The following CCDC15 variants were observed in gnomAD, a reference collection of about 807,000 sequenced individuals.
CCDC15 encodes coiled-coil domain-containing protein 15.
Under a neutral mutation model 114.5 loss-of-function variants are expected in CCDC15, and 105 were observed. The observed-to-expected ratio is 0.92, with a 90% confidence interval of 0.78 to 1.08. The LOEUF is 1.08. CCDC15 is among the 50% of genes least tolerant of loss of function. The pLI, the probability that CCDC15 is intolerant of heterozygous loss-of-function variation, is 0.00. For missense variants in CCDC15, 1,105 were observed against 1,093.6 expected, an observed-to-expected ratio of 1.01 and a Z score of -0.15; for synonymous variants, 334 against 377.8, an observed-to-expected ratio of 0.88 and a Z score of 1.34.
rs1367572345 is a variant in CCDC15, at chr11:124,986,835, G to A, written c.847G>A (p.Asp283Asn). 2 of 1,560,502 alleles carry A rather than the reference G, an allele frequency of 1.3e-6. No individual in the cohort carries two copies. The highest frequency in any genetic ancestry group is 8.7e-7 in the Non-Finnish European group (1 of 1,151,288). Residue 283 changes from aspartate to asparagine, a missense_variant, in exon 7 of 16, where the codon GAC becomes AAC. Coordinates refer to ENST00000344762, the MANE Select transcript of CCDC15 (RefSeq NM_025004.3). ...KEDLFGRGQQ[D>N]QQAIHSEDKN... ...AGATTTGTTTGGGAGAGGCCAGCAG[G>A]ACCAGCAGGCTATCCATTCTGAAGA...
chr11:125,009,136 G>T (rs1173645789), intron 13 of CCDC15, among the ~76,000 whole-genome samples: 1 of 151,170 alleles, frequency 6.6e-6, no homozygotes, highest in Non-Finnish European at 1.5e-5. Flanking sequence ...CTGAGGCAGG[G>T]GAATCACTTG....
In CCDC15 at chr11:125,029,600, A is replaced by G. The variant is rs181906452; in HGVS notation, c.2412-8831A>G. Among the ~76,000 whole-genome samples the G allele has an allele frequency of 2.3e-3, 358 of 152,368 alleles. 4 individuals are homozygous for G. Among genetic ancestry groups the G allele is most frequent in the African/African-American group, 8.0e-3 (334 of 41,590 alleles). On this transcript the variant is annotated intron_variant, in intron 13 of 15. Coordinates refer to ENST00000344762, the MANE Select transcript of CCDC15 (RefSeq NM_025004.3). ...TTAACAAAAGAAGGAGGAAATACTCATGACAGTTACAGTCCTTGTTTCTGC... is the reference window on the plus strand; with the variant it reads ...TTAACAAAAGAAGGAGGAAATACTCGTGACAGTTACAGTCCTTGTTTCTGC...
At chr11:124,976,737 T>C (rs1947980715) in intron 5 of CCDC15, among the ~76,000 whole-genome samples, 1 of 152,146 alleles carries the variant, frequency 6.6e-6, no homozygotes, top group Non-Finnish European at 1.5e-5. Context: ...CAGTTCTGAT[T>C]GAAATAATTA....
intron 4 of CCDC15, among the ~76,000 whole-genome samples, chr11:124,966,684 A>T (rs550731661): frequency 4.6e-5 from 7 of 152,190 alleles, no homozygotes; most frequent in Admixed American, 3.3e-4. Context: ...TCCTGTCATT[A>T]TAATGTTAGC....
intron 2 of CCDC15, 28 bp downstream of exon 2, chr11:124,954,937 TG>T (rs1947522832): frequency 6.2e-7 from 1 of 1,608,332 alleles, no homozygotes; most frequent in African/African-American, 1.3e-5. Context: ...CCAAATATGG[TG>T]GGGTTCCCCA....
rs748143058 is a variant in CCDC15, at chr11:124,975,097, T to A, written c.518T>A (p.Leu173His). 1 of 1,570,144 alleles carries A rather than the reference T, an allele frequency of 6.4e-7. No individual in the cohort carries two copies. The highest frequency in any genetic ancestry group is 8.6e-7 in the Non-Finnish European group (1 of 1,160,258). ...NELFQQQAQA[L>H]SETMKQARHR... ...CTTTCTTCCCCCTTTCCCTGGCAGC[T>A]TAGTGAAACTATGAAACAGGCACGT... Residue 173 changes from leucine (L) to histidine (H), a missense_variant and splice_region_variant, in exon 5 of 16, where the codon CTT (leucine) becomes CAT (histidine). By Grantham distance (99) the Leu-to-His change is moderately conservative. Coordinates refer to ENST00000344762, the MANE Select transcript of CCDC15 (RefSeq NM_025004.3).
At chr11:125,038,695 T>C in intron 14 of CCDC15, 91 bp downstream of exon 14, 6 of 1,278,304 alleles carry the variant, frequency 4.7e-6, no homozygotes, top group Non-Finnish European at 2.1e-6. Context: ...GAATTGACTG[T>C]GTCTTTTCAT....
In CCDC15 at chr11:124,986,875, T is replaced by A; in HGVS notation, c.887T>A (p.Phe296Tyr). 1.3e-6 allele frequency: 2 copies of A among 1,550,108 alleles called. No homozygotes were observed. Among genetic ancestry groups the A allele is most frequent in the South Asian group, 2.5e-5 (2 of 81,586 alleles). The change falls in exon 7 of 16, where the codon TTC (phenylalanine) becomes TAC (tyrosine). Residue 296 changes from phenylalanine (F) to tyrosine (Y), a missense_variant. Coordinates refer to ENST00000344762, the MANE Select transcript of CCDC15 (RefSeq NM_025004.3). The part of the protein sequence containing the change: ...AIHSEDKNKP[F>Y]SRVQKVKFKN... ...CATTCTGAAGATAAGAACAAACCTT[T>A]CAGCAGAGTTCAGGTAAAGCAATAA...
chr11:125,000,788 G>A (rs1267458864), intron 11 of CCDC15, among the ~76,000 whole-genome samples: 1 of 151,980 alleles, frequency 6.6e-6, no homozygotes, highest in African/African-American at 2.4e-5. Flanking sequence ...ATTCATAGTG[G>A]TTGTGTTATA....
At chr11:125,007,919 C>G (rs1054150053) in intron 13 of CCDC15, among the ~76,000 whole-genome samples, 4 of 152,182 alleles carry the variant, frequency 2.6e-5, no homozygotes, top group African/African-American at 9.7e-5. Flanking sequence ...TGGGTGCTGG[C>G]AACAGTGGGT....
intron 2 of CCDC15, among the ~76,000 whole-genome samples, chr11:124,956,514 A>T (rs1164448399): frequency 1.3e-5 from 2 of 152,172 alleles, no homozygotes; most frequent in South Asian, 4.1e-4. Context: ...AAGATTTGGT[A>T]TAAAGATATT....
intron 9 of CCDC15, 25 bp downstream of exon 9, chr11:124,991,608 A>T: frequency 6.4e-7 from 1 of 1,573,598 alleles, no homozygotes; most frequent in South Asian, 1.2e-5. Flanking sequence ...AAAGATATAA[A>T]CAGGAAGGAA....
chr11:125,023,152 T>C (rs1948673852), intron 13 of CCDC15, among the ~76,000 whole-genome samples: 1 of 151,986 alleles, frequency 6.6e-6, no homozygotes, highest in Non-Finnish European at 1.5e-5. Flanking sequence ...TTACATTTAC[T>C]CTGTGATCCA....
chr11:124,960,135 CT>C (rs57279788), intron 4 of CCDC15, 132 bp downstream of exon 4: 80,226 of 426,166 alleles, frequency 0.19, 1,000 homozygotes, highest in Middle Eastern at 0.24. Flanking sequence ...AATCATCCCC[CT>C]TTTTTTTTTT....
intron 12 of CCDC15, 98 bp from the exon 13 acceptor site, chr11:125,005,011 T>C: frequency 1.8e-6 from 1 of 555,080 alleles, no homozygotes; most frequent in East Asian, 3.1e-5. Context: ...TGTTTCTGTT[T>C]GCTTGCATTT....
intron 13 of CCDC15, among the ~76,000 whole-genome samples, chr11:125,032,766 G>T (rs1005595191): frequency 6.6e-6 from 1 of 152,148 alleles, no homozygotes; most frequent in African/African-American, 2.4e-5. Flanking sequence ...TGGCACTGGG[G>T]AAATGACCAC....
At chr11:124,991,739 A>C (rs1229811113) in intron 9 of CCDC15, among the ~76,000 whole-genome samples, 156 bp downstream of exon 9, 2 of 152,204 alleles carry the variant, frequency 1.3e-5, no homozygotes, top group East Asian at 1.9e-4. Context: ...GCTGGAGTGC[A>C]GTGGCACAAT....
Position 124,986,699 on chromosome 11 carries a change from G to A in CCDC15, c.754-43G>A, listed in dbSNP as rs773971332. On this transcript the variant is annotated intron_variant, in intron 6 of 15. Coordinates refer to ENST00000344762, the MANE Select transcript of CCDC15 (RefSeq NM_025004.3). ...TGTGTGTGTGTGTGTGTTTGTGTGT[G>A]TGCGCGCGCGCGCGTGCGCGTTTTC... 2.7e-5 allele frequency: 39 copies of A among 1,455,474 alleles called. 2 individuals are homozygous for A. The highest frequency in any genetic ancestry group is 3.4e-5 in the Non-Finnish European group (37 of 1,091,920). The allele number at this position is 1,455,474 out of a possible 1,614,324, so 90.2% of individuals were successfully genotyped here. A position where few individuals can be genotyped will look rare whatever the true frequency, so the allele number is the denominator to read the frequency against.
intron 13 of CCDC15, among the ~76,000 whole-genome samples, chr11:125,035,375 G>T (rs942273316): frequency 6.6e-6 from 1 of 151,702 alleles, no homozygotes; most frequent in Non-Finnish European, 1.5e-5. Flanking sequence ...AATCTATTTT[G>T]TCTGATATTA....
Sources: gnomAD v4.1 joint callset for allele counts (sites outside exome capture counted in the v4.1 genomes callset) on GRCh38, gnomAD v4.1.1 for gene constraint, MANE v1.5 for transcripts, NCBI Gene and HGNC (gene_info 2026-07-23, HGNC 2026-07-21) for gene names.